The following NT5DC3 variants were observed in gnomAD, a reference collection of about 807,000 sequenced individuals.
NT5DC3 encodes the protein 5'-nucleotidase domain-containing protein 3.
NT5DC3 carries 42 observed loss-of-function variants against 67.8 expected under a neutral mutation model. The observed-to-expected ratio is 0.62, with a 90% CI of 0.48 to 0.80. NT5DC3 has a LOEUF of 0.80. Ranked by LOEUF, NT5DC3 falls within the 30% of genes least tolerant of loss-of-function variation. The probability of loss-of-function intolerance (pLI) is 0.00; values close to 1 mark genes in which losing one functional copy is unlikely to be tolerated. For synonymous variants in NT5DC3, 237 were observed against 255.6 expected (o/e 0.93, Z 0.69); for missense variants, 570 against 696.4 (o/e 0.82, Z 2.04).
At position 103,841,015 on chromosome 12, in the gene NT5DC3, C is replaced by A; in HGVS notation, c.142G>T (p.Gly48Trp). 7.7e-7 allele frequency: 1 copy of A among 1,296,894 alleles called. No homozygotes were observed. Among genetic ancestry groups the A allele is most frequent in the Non-Finnish European group, 9.8e-7 (1 of 1,019,616 alleles). The allele number at this position is 1,296,894 out of a possible 1,614,324, so 80.3% of individuals were successfully genotyped here. A position where few individuals can be genotyped will look rare whatever the true frequency, so the allele number is the denominator to read the frequency against. Residue 48 changes from glycine to tryptophan, a missense_variant, in exon 1 of 14, where the codon GGG (glycine) becomes TGG (tryptophan). Gly to Trp is a radical substitution (Grantham distance 184). Around this residue, in one of 2 missense-constraint regions of NT5DC3, gnomAD observed 104 missense variants for 88.4 expected, o/e 1.18. Coordinates refer to ENST00000392876, the MANE Select transcript of NT5DC3 (RefSeq NM_001031701.3). ...TAGCGCTTCATGTCCGGGGCGGTCC[C>A]GGGTGCAGTGCACAAGGGCCGGGCG... ...GPARPLCTAPGTAPDMKRYLW... is the reference protein window; with the variant it reads ...GPARPLCTAPWTAPDMKRYLW...
intron 9 of NT5DC3, among the ~76,000 whole-genome samples, chr12:103,791,915 C>T (rs934847): frequency 0.29 from 44,094 of 152,140 alleles, 6,898 homozygotes; most frequent in East Asian, 0.6. Flanking sequence ...CCTACCCCCA[C>T]AAACCTGCTG....
chr12:103,829,967 C>A (rs1242896172), intron 1 of NT5DC3, among the ~76,000 whole-genome samples: 1 of 152,066 alleles, frequency 6.6e-6, no homozygotes, highest in African/African-American at 2.4e-5. Context: ...TTTCTCTCAG[C>A]ACTTTGAGGT....
chr12:103,838,623 C>T (rs1047233155), intron 1 of NT5DC3, among the ~76,000 whole-genome samples: 5 of 152,182 alleles, frequency 3.3e-5, no homozygotes, highest in Admixed American at 6.5e-5. Flanking sequence ...AAAACCTGTA[C>T]ACAAATGTCT....
intron 6 of NT5DC3, among the ~76,000 whole-genome samples, chr12:103,796,111 A>T (rs1321096982): frequency 2.0e-5 from 3 of 152,214 alleles, no homozygotes; most frequent in African/African-American, 7.2e-5. Flanking sequence ...CTTTTGCAGG[A>T]CTTTAGAGAG....
the NT5DC3 span, among the ~76,000 whole-genome samples, chr12:103,763,138 T>G: frequency 6.6e-6 from 1 of 152,220 alleles, no homozygotes; most frequent in African/African-American, 2.4e-5. Context: ...TGACTGCATT[T>G]ATATTAAGTT....
At chr12:103,747,775 A>T in the NT5DC3 span, among the ~76,000 whole-genome samples, 1 of 152,132 alleles carries the variant, frequency 6.6e-6, no homozygotes. Context: ...TGGGCAGATC[A>T]CTTGAGGTCA....
chr12:103,792,514 T>C (rs1886110738), intron 9 of NT5DC3, among the ~76,000 whole-genome samples: 1 of 152,212 alleles, frequency 6.6e-6, no homozygotes, highest in Non-Finnish European at 1.5e-5. Flanking sequence ...TTCTCAACAC[T>C]GTGGGAATTT....
At position 103,801,372 on chromosome 12, in the gene NT5DC3, CTTTTTTTTT is replaced by C. The variant is rs869237844; in HGVS notation, c.525-2704_525-2696del. Among the ~76,000 whole-genome samples, 84 of 78,940 alleles carry C rather than the reference CTTTTTTTTT, an allele frequency of 1.1e-3. No homozygotes were observed. The East Asian group carries it at 0.017, about 16-fold the overall frequency. 51.8% of individuals were successfully genotyped at this position (78,940 alleles called of 152,430 possible). On this transcript the variant is annotated intron_variant, in intron 4 of 13. Transcript: ENST00000392876. ...TCCTAATGACTTGCTTTGGGGTGGG[CTTTTTTTTT>C]TTTTTTTTTTTTTTTTTTTGAGACG...
rs931654502 is a variant in NT5DC3, at chr12:103,805,793, C to G, written c.524+529G>C. On this transcript the variant is annotated intron_variant, in intron 4 of 13. Transcript: ENST00000392876. ...TCTGGGAGGCAGAGGCTGCAGTGAGCCTAGATTGTGCCATTGCACTGCAGC... is the reference window on the plus strand; with the variant it reads ...TCTGGGAGGCAGAGGCTGCAGTGAGGCTAGATTGTGCCATTGCACTGCAGC... 7.6e-5 allele frequency among the ~76,000 whole-genome samples: 11 copies of G among 143,998 alleles called. 1 individual carries two copies. The highest frequency in any genetic ancestry group is 1.5e-4 in the Admixed American group (2 of 13,334). The allele number at this position is 143,998 out of a possible 152,430, so 94.5% of individuals were successfully genotyped here.
rs1003197399 is a variant in NT5DC3 at position 103,841,161 on chromosome 12, G to A, written c.-5C>T. The A allele has an allele frequency of 2.8e-6, 2 of 719,196 alleles. No individual in the cohort carries two copies. The highest frequency in any genetic ancestry group is 3.2e-5 in the Admixed American group (1 of 31,274). 44.6% of individuals were successfully genotyped at this position (719,196 alleles called of 1,614,324 possible). ...CGCCGCCGCTGCCATGGTCATGCCT[G>A]CTGCCTGCTGCCGCCACCGCCGCCG... On this transcript the variant is annotated 5_prime_UTR_variant, in exon 1 of 14. Transcript: ENST00000392876.
intron 7 of NT5DC3, among the ~76,000 whole-genome samples, 161 bp from the exon 8 acceptor site, chr12:103,793,673 G>C (rs1886168807): frequency 1.3e-5 from 2 of 152,162 alleles, no homozygotes; most frequent in South Asian, 4.1e-4. Flanking sequence ...GGGTACATCT[G>C]GTGCATCATT....
intron 2 of NT5DC3, among the ~76,000 whole-genome samples, chr12:103,812,531 A>T (rs947011696): frequency 6.6e-6 from 1 of 152,186 alleles, no homozygotes; most frequent in Non-Finnish European, 1.5e-5. Flanking sequence ...TCTTCCCCTC[A>T]AATTTCATAA....
At chr12:103,827,687 A>G (rs568697005) in intron 1 of NT5DC3, among the ~76,000 whole-genome samples, 1 of 152,322 alleles carries the variant, frequency 6.6e-6, no homozygotes, top group East Asian at 1.9e-4. Flanking sequence ...TACTCAAATT[A>G]AGGACCAATC....
chr12:103,757,218 A>T, the NT5DC3 span, among the ~76,000 whole-genome samples: 1 of 151,536 alleles, frequency 6.6e-6, no homozygotes, highest in Non-Finnish European at 1.5e-5. Context: ...CCTCCAGAGC[A>T]GCTGGGACTA....
At chr12:103,786,971 C>T (rs1456264673) in intron 11 of NT5DC3, among the ~76,000 whole-genome samples, 3 of 152,158 alleles carry the variant, frequency 2.0e-5, no homozygotes, top group Admixed American at 1.3e-4. Context: ...GTGTGAGCCA[C>T]CATGCCCAGC....
At chr12:103,755,923 C>T in the NT5DC3 span, among the ~76,000 whole-genome samples, 1 of 152,148 alleles carries the variant, frequency 6.6e-6, no homozygotes, top group Non-Finnish European at 1.5e-5. Context: ...ACTCAATTTC[C>T]TCATCTATAA....
In NT5DC3 at chr12:103,775,686, A is replaced by G. The variant is rs1885318699; in HGVS notation, c.*2143T>C. On this transcript the variant is annotated 3_prime_UTR_variant, in exon 14 of 14. Coordinates refer to ENST00000392876, the MANE Select transcript of NT5DC3 (RefSeq NM_001031701.3). ...CTACCCTGTTCCAAAAAAAGAACAT[A>G]CTACTGTGCCTTACTGTGTTCATAA... 6.7e-6 allele frequency: 1 copy of G among 150,130 alleles called. No homozygotes were observed. The highest frequency in any genetic ancestry group is 1.5e-5 in the Non-Finnish European group (1 of 67,666). The allele number at this position is 150,130 out of a possible 1,614,324, so 9.3% of individuals were successfully genotyped here. A position where few individuals can be genotyped will look rare whatever the true frequency, so the allele number is the denominator to read the frequency against.
rs569225164 is a variant in NT5DC3 at position 103,806,819 on chromosome 12, C to A, written c.468+36G>T. 4 of 1,280,284 alleles carry A rather than the reference C, an allele frequency of 3.1e-6. No homozygotes were observed. In the South Asian group the frequency reaches 4.8e-5, roughly 15 times the overall value. 79.3% of individuals were successfully genotyped at this position (1,280,284 alleles called of 1,614,324 possible). On this transcript the variant is annotated intron_variant, in intron 3 of 13. Coordinates refer to ENST00000392876, the MANE Select transcript of NT5DC3 (RefSeq NM_001031701.3). ...AACAGTACATTTCATTTCCAAACATCATTAAACCATAGAAAAACAGGAGAA... is the reference window on the plus strand; with the variant it reads ...AACAGTACATTTCATTTCCAAACATAATTAAACCATAGAAAAACAGGAGAA...
At chr12:103,800,752 T>G (rs1417113732) in intron 4 of NT5DC3, among the ~76,000 whole-genome samples, 1 of 152,238 alleles carries the variant, frequency 6.6e-6, no homozygotes, top group Non-Finnish European at 1.5e-5. Flanking sequence ...CAGCTCTGCA[T>G]GAGAAACACG....
Sources: gnomAD v4.1 joint callset for allele counts (sites outside exome capture counted in the v4.1 genomes callset) on GRCh38, gnomAD v4.1.1 for gene constraint, gnomAD v4.1.1 regional missense constraint, MANE v1.5 for transcripts, NCBI Gene and HGNC (gene_info 2026-07-23, HGNC 2026-07-21) for gene names.